ARHGAP28: variants seen among roughly 807,000 people sequenced by gnomAD.
ARHGAP28 encodes the protein Rho GTPase activating protein 28.
Under a neutral mutation model 90.7 loss-of-function variants are expected in ARHGAP28, and 56 were observed. That is an observed-to-expected ratio of 0.62 (90% CI 0.50 to 0.77). The LOEUF is 0.77. Among genes scored for constraint, ARHGAP28 ranks in the 30% least tolerant of loss-of-function variants. The pLI is 0.00. For missense variants in ARHGAP28, 869 were observed against 900.9 expected, an observed-to-expected ratio of 0.96 and a Z score of 0.45; for synonymous variants, 308 against 323.3, an observed-to-expected ratio of 0.95 and a Z score of 0.51.
chr18:6,744,354 A>G (rs1199588349), intron 1 of ARHGAP28, among the ~76,000 whole-genome samples: 1 of 152,194 alleles, frequency 6.6e-6, no homozygotes, highest in Non-Finnish European at 1.5e-5. Context: ...TTAGGGTCAG[A>G]CTGTACTCAG....
chr18:6,797,945 C>T (rs533328000), intron 1 of ARHGAP28, among the ~76,000 whole-genome samples: 82 of 152,236 alleles, frequency 5.4e-4, no homozygotes, highest in Non-Finnish European at 8.5e-4. Context: ...CAGGCATGAG[C>T]CACTGTGCCC....
intron 16 of ARHGAP28, among the ~76,000 whole-genome samples, chr18:6,904,607 T>C (rs2057355435): frequency 6.6e-6 from 1 of 151,694 alleles, no homozygotes; most frequent in Admixed American, 6.6e-5. Context: ...ATAAGTGAAA[T>C]TAAAAACAGG....
chr18:6,751,947 G>A (rs1004105780), intron 1 of ARHGAP28, among the ~76,000 whole-genome samples: 6 of 151,892 alleles, frequency 4.0e-5, no homozygotes, highest in South Asian at 2.1e-4. Context: ...CGTTTTTGAA[G>A]CCTTGCTTAC....
chr18:6,867,737 A>G (rs959932960), intron 5 of ARHGAP28, among the ~76,000 whole-genome samples: 6 of 152,232 alleles, frequency 3.9e-5, no homozygotes, highest in Non-Finnish European at 8.8e-5. Context: ...AAGTAAGACA[A>G]AAATGCATGA....
At chr18:6,876,772 A>C (rs1220115927) in intron 10 of ARHGAP28, among the ~76,000 whole-genome samples, 1 of 152,234 alleles carries the variant, frequency 6.6e-6, no homozygotes, top group Admixed American at 6.5e-5. Context: ...TTCCACTTAC[A>C]GTAATGTTAA....
At chr18:6,869,714 G>T (rs1390135667) in intron 6 of ARHGAP28, among the ~76,000 whole-genome samples, 2 of 152,042 alleles carry the variant, frequency 1.3e-5, no homozygotes, top group South Asian at 2.1e-4. Flanking sequence ...TCTGCCTTTT[G>T]TTCCTTTTGT....
At chr18:6,747,694 A>C (rs917151212) in intron 1 of ARHGAP28, among the ~76,000 whole-genome samples, 2 of 152,232 alleles carry the variant, frequency 1.3e-5, no homozygotes, top group Non-Finnish European at 2.9e-5. Flanking sequence ...AAAATACCCA[A>C]ATAACTGGTA....
At chr18:6,778,002 G>T (rs757003308) in intron 1 of ARHGAP28, among the ~76,000 whole-genome samples, 7 of 152,118 alleles carry the variant, frequency 4.6e-5, no homozygotes, top group Non-Finnish European at 8.8e-5. Flanking sequence ...ATGATTACCA[G>T]CCATCCTTTA....
intron 1 of ARHGAP28, among the ~76,000 whole-genome samples, chr18:6,815,063 T>G (rs1294575544): frequency 6.6e-6 from 1 of 152,226 alleles, no homozygotes; most frequent in Non-Finnish European, 1.5e-5. Context: ...CAATTTATCT[T>G]TGGGGATAAT....
At chr18:6,818,983 A>G (rs1270294762) in intron 1 of ARHGAP28, among the ~76,000 whole-genome samples, 2 of 152,240 alleles carry the variant, frequency 1.3e-5, no homozygotes, top group Non-Finnish European at 2.9e-5. Context: ...TTGCTGTGCA[A>G]TGAGACGTAC....
At chr18:6,847,084 TGGCA>T (rs1323903092) in intron 3 of ARHGAP28, among the ~76,000 whole-genome samples, 1 of 152,126 alleles carries the variant, frequency 6.6e-6, no homozygotes. Flanking sequence ...TTCCATAGGC[TGGCA>T]GGGAACTGAA....
intron 16 of ARHGAP28, among the ~76,000 whole-genome samples, chr18:6,903,982 A>AT (rs373615423): frequency 1.1e-4 from 16 of 152,338 alleles, no homozygotes; most frequent in African/African-American, 3.8e-4. Flanking sequence ...GGAGAACATG[A>AT]AAACCTCTAA....
At chr18:6,821,902 G>A (rs2056629534) in intron 1 of ARHGAP28, among the ~76,000 whole-genome samples, 1 of 152,180 alleles carries the variant, frequency 6.6e-6, no homozygotes, top group East Asian at 1.9e-4. Context: ...TCTTCCCCTT[G>A]TCTTCTGTGA....
Position 6,890,451 on chromosome 18 carries a change from C to T in ARHGAP28, c.1756C>T (p.Gln586Ter). 6.2e-7 allele frequency: 1 copy of T among 1,611,016 alleles called. No homozygotes were observed. The highest frequency in any genetic ancestry group is 1.1e-5 in the South Asian group (1 of 90,830). The change falls in exon 14 of 18, where the codon CAA becomes TAA. Residue 586 changes from glutamine (Q) to a stop codon, truncating the protein, a stop_gained. Coordinates refer to ENST00000383472, the MANE Select transcript of ARHGAP28 (RefSeq NM_001366230.1). LOFTEE classifies it high-confidence loss of function. ...LWKVPSFLITQVRRMNEATML... is the reference protein window; with the variant it reads ...LWKVPSFLIT ...CCAGGTTCCATCTTTCTTAATCACTCAAGTAAGAAGAATGAATGAAGCCAC... is the reference window on the plus strand; with the variant it reads ...CCAGGTTCCATCTTTCTTAATCACTTAAGTAAGAAGAATGAATGAAGCCAC...
intron 1 of ARHGAP28, among the ~76,000 whole-genome samples, chr18:6,761,880 A>ATAT (rs2056162683): frequency 6.6e-6 from 1 of 152,188 alleles, no homozygotes; most frequent in South Asian, 2.1e-4. Flanking sequence ...ATGTATGACA[A>ATAT]TATAGAGTTG....
At chr18:6,845,797 A>G (rs1391271715) in intron 3 of ARHGAP28, among the ~76,000 whole-genome samples, 1 of 152,194 alleles carries the variant, frequency 6.6e-6, no homozygotes, top group Non-Finnish European at 1.5e-5. Flanking sequence ...GTATATATGT[A>G]CCACTCTAAA....
intron 16 of ARHGAP28, chr18:6,898,475 T>C: frequency 6.2e-7 from 1 of 1,613,842 alleles, no homozygotes. Context: ...CCTTCCTAAA[T>C]GGAAAATGGG....
rs1421256998 is a variant in ARHGAP28 at position 6,873,711 on chromosome 18, C to T, written c.1148C>T (p.Thr383Ile). The T allele has an allele frequency of 3.1e-6, 5 of 1,613,824 alleles. No homozygotes were observed. Among genetic ancestry groups the T allele is most frequent in the Middle Eastern group, 3.3e-4 (2 of 6,084 alleles). ...AATGGGATTTTTGGAGTTCCACTTA[C>T]AGTCCTCCTGGACGGTGACCGAAAG... is the stretch of plus-strand genomic sequence containing the variant. ...RDNGIFGVPL[T>I]VLLDGDRKKD... is the part of the protein sequence containing the mutation. Residue 383 changes from threonine to isoleucine, a missense_variant, in exon 9 of 18, where the codon ACA becomes ATA. Transcript: ENST00000383472.
chr18:6,800,480 C>T (rs889530409), intron 1 of ARHGAP28, among the ~76,000 whole-genome samples: 1 of 152,076 alleles, frequency 6.6e-6, no homozygotes, highest in Non-Finnish European at 1.5e-5. Flanking sequence ...CAGTGATAGA[C>T]TAGATAAAGA....
Sources: gnomAD v4.1 joint callset for allele counts (sites outside exome capture counted in the v4.1 genomes callset) on GRCh38, gnomAD v4.1.1 for gene constraint, MANE v1.5 for transcripts, NCBI Gene and HGNC (gene_info 2026-07-23, HGNC 2026-07-21) for gene names.